Variants in ADAMTS17 observed in about 807,000 individuals in gnomAD.
ADAMTS17 encodes ADAM metallopeptidase with thrombospondin type 1 motif 17.
Under a neutral mutation model 141.5 loss-of-function variants are expected in ADAMTS17, and 113 were observed. The observed-to-expected ratio is 0.80, with a 90% CI of 0.69 to 0.93. The LOEUF (loss-of-function observed/expected upper bound fraction) is 0.93, where lower values mean the gene tolerates loss of function less well. Ranked by LOEUF, ADAMTS17 falls within the 40% of genes least tolerant of loss-of-function variation. The pLI is 0.00. For synonymous variants in ADAMTS17, 768 were observed against 630.6 expected (o/e 1.22, Z -3.27); for missense variants, 1,659 against 1,517.9 (o/e 1.09, Z -1.54).
At chr15:100,279,126 C>T (rs371582237) in intron 4 of ADAMTS17, among the ~76,000 whole-genome samples, 7 of 152,148 alleles carry the variant, frequency 4.6e-5, no homozygotes, top group South Asian at 4.1e-4. Context: ...CCGCCCAATC[C>T]GCCTCTAAAA....
At chr15:100,289,865 C>T (rs1328880535) in intron 3 of ADAMTS17, among the ~76,000 whole-genome samples, 4 of 152,058 alleles carry the variant, frequency 2.6e-5, no homozygotes, top group Admixed American at 6.6e-5. Flanking sequence ...AGGAGCATAC[C>T]TCAAAATAGT....
intron 7 of ADAMTS17, 98 bp from the exon 8 acceptor site, chr15:100,199,521 G>T: frequency 1.0e-6 from 1 of 982,102 alleles, no homozygotes. Flanking sequence ...AATCAAGGCA[G>T]GCACACGGCA....
intron 3 of ADAMTS17, among the ~76,000 whole-genome samples, chr15:100,309,942 G>A (rs1044349528): frequency 1.3e-5 from 2 of 152,210 alleles, no homozygotes; most frequent in African/African-American, 4.8e-5. Context: ...AAGGCGTCAG[G>A]GATAGGAAAC....
At position 100,006,359 on chromosome 15, in the gene ADAMTS17, C is replaced by G. The variant is rs574590429; in HGVS notation, c.2592-8770G>C. ...TCCCAATTCTGAAAAAACTCAGCTC[C>G]TATTTAAAATTCAATTTCTATTTAC... On this transcript the variant is annotated intron_variant, in intron 18 of 21. Transcript: ENST00000268070. Among the ~76,000 whole-genome samples, 12 of 152,312 alleles carry G rather than the reference C, an allele frequency of 7.9e-5. No individual in the cohort carries two copies. The South Asian group carries it at 2.3e-3, about 29-fold the overall frequency.
At chr15:100,209,604 A>T (rs79148461) in intron 7 of ADAMTS17, among the ~76,000 whole-genome samples, 2 of 61,968 alleles carry the variant, frequency 3.2e-5, no homozygotes, top group African/African-American at 1.2e-4. Flanking sequence ...CATTTTATTA[A>T]AAAAAAAAAA....
Position 100,152,666 on chromosome 15 carries a change from G to C in ADAMTS17, c.1419C>G (p.Asn473Lys), listed in dbSNP as rs757625048. The change falls in exon 10 of 22, where the codon AAC becomes AAG. Residue 473 changes from asparagine to lysine, a missense_variant. Coordinates refer to ENST00000268070, the MANE Select transcript of ADAMTS17 (RefSeq NM_139057.4). Reference protein sequence around the residue: ...HKLPGMHYSANEQCQILFGMN... With the variant: ...HKLPGMHYSAKEQCQILFGMN... ...TGCCAAACAGGATCTGGCACTGCTC[G>C]TTGGCACTGTAGTGCATGCCCGGCA... The C allele has an allele frequency of 6.2e-7, 1 of 1,614,164 alleles. No homozygotes were observed. Among genetic ancestry groups the C allele is most frequent in the Non-Finnish European group, 8.5e-7 (1 of 1,180,022 alleles).
chr15:100,221,638 C>A lies in ADAMTS17; in HGVS notation c.1076-22215G>T, dbSNP rs531807775. On this transcript the variant is annotated intron_variant, in intron 7 of 21. Coordinates refer to ENST00000268070, the MANE Select transcript of ADAMTS17 (RefSeq NM_139057.4). ...ACGCCAAGTCAGTCATGACCACTTGCTGAAGCCTTGGCACGTGTGCAAACT... is the reference window on the plus strand; with the variant it reads ...ACGCCAAGTCAGTCATGACCACTTGATGAAGCCTTGGCACGTGTGCAAACT... 3.3e-5 allele frequency among the ~76,000 whole-genome samples: 5 copies of A among 152,294 alleles called. No individual in the cohort carries two copies. In the East Asian group the frequency reaches 9.6e-4, roughly 29 times the overall value.
chr15:100,068,762 C>T (rs942659692), intron 15 of ADAMTS17, among the ~76,000 whole-genome samples: 2 of 152,180 alleles, frequency 1.3e-5, no homozygotes, highest in African/African-American at 4.8e-5. Flanking sequence ...ATGTCACCAT[C>T]ATCAAAGACC....
In ADAMTS17 at chr15:99,974,380, G is replaced by C. The variant is rs766170805; in HGVS notation, c.*22C>G. On this transcript the variant is annotated 3_prime_UTR_variant, in exon 22 of 22. Coordinates refer to ENST00000268070, the MANE Select transcript of ADAMTS17 (RefSeq NM_139057.4). ...GGTTTCAGACCTGAGTCTGAGCTTT[G>C]AGCGACCCTTGGGACTGCGTGTCAC... is the stretch of plus-strand genomic sequence containing the variant. 5 of 1,613,794 alleles carry C rather than the reference G, an allele frequency of 3.1e-6. No homozygotes were observed. In the African/African-American group the frequency reaches 6.7e-5, roughly 22 times the overall value.
chr15:100,090,874 G>A (rs2140992360), intron 15 of ADAMTS17, among the ~76,000 whole-genome samples: 2 of 152,020 alleles, frequency 1.3e-5, no homozygotes, highest in South Asian at 4.2e-4. Context: ...CAGGTTTGGT[G>A]GTGCATGCCA....
rs938233777 is a variant in ADAMTS17 at position 99,972,396 on chromosome 15, A to C, written c.*2006T>G. 8 of 152,192 alleles carry C rather than the reference A, an allele frequency of 5.3e-5. No individual in the cohort carries two copies. The highest frequency in any genetic ancestry group is 1.9e-4 in the African/African-American group (8 of 41,444). The allele number at this position is 152,192 out of a possible 1,614,324, so 9.4% of individuals were successfully genotyped here. Reference sequence around the variant, plus strand: ...GGCCCTTGCCAGGGTGACAGTGGGCATATCTGGAGGCCCCGGGGCCCATGC... The same window carrying C: ...GGCCCTTGCCAGGGTGACAGTGGGCCTATCTGGAGGCCCCGGGGCCCATGC... On this transcript the variant is annotated 3_prime_UTR_variant, in exon 22 of 22. Transcript: ENST00000268070.
At chr15:100,337,154 G>A (rs779385206) in intron 2 of ADAMTS17, among the ~76,000 whole-genome samples, 1 of 152,204 alleles carries the variant, frequency 6.6e-6, no homozygotes, top group Non-Finnish European at 1.5e-5. Flanking sequence ...GATTACAGGC[G>A]TAAGCCACCG....
At chr15:100,209,131 A>AGG (rs778301967) in intron 7 of ADAMTS17, among the ~76,000 whole-genome samples, 31 of 133,152 alleles carry the variant, frequency 2.3e-4, no homozygotes, top group African/African-American at 3.3e-4. Flanking sequence ...AAAAAAAAAA[A>AGG]AAGGAAGAAA....
chr15:100,193,653 C>T (rs1033250802), intron 8 of ADAMTS17, among the ~76,000 whole-genome samples: 2 of 152,176 alleles, frequency 1.3e-5, no homozygotes, highest in Non-Finnish European at 2.9e-5. Flanking sequence ...GACGCTGGGC[C>T]ACTGCATTTC....
chr15:100,253,171 C>T (rs981698418), intron 7 of ADAMTS17, among the ~76,000 whole-genome samples: 6 of 151,718 alleles, frequency 4.0e-5, no homozygotes, highest in Non-Finnish European at 5.9e-5. Context: ...TTCAGCCTCC[C>T]GATGAACAAA....
intron 18 of ADAMTS17, among the ~76,000 whole-genome samples, chr15:100,018,810 C>A (rs2061344062): frequency 6.6e-6 from 1 of 152,144 alleles, no homozygotes; most frequent in African/African-American, 2.4e-5. Context: ...AGGACGTGCC[C>A]TTTCACATCT....
At chr15:100,135,914 G>C (rs1278718313) in intron 10 of ADAMTS17, among the ~76,000 whole-genome samples, 3 of 152,212 alleles carry the variant, frequency 2.0e-5, no homozygotes, top group African/African-American at 7.2e-5. Flanking sequence ...GTAGAATGAA[G>C]AAGATGGAGA....
At chr15:100,223,723 T>C (rs1461003999) in intron 7 of ADAMTS17, among the ~76,000 whole-genome samples, 1 of 150,044 alleles carries the variant, frequency 6.7e-6, no homozygotes, top group East Asian at 1.9e-4. Context: ...ATACATATAG[T>C]GTATATATAC....
chr15:100,267,480 ATTTCT>A (rs2043756891), intron 4 of ADAMTS17, among the ~76,000 whole-genome samples: 1 of 151,854 alleles, frequency 6.6e-6, no homozygotes, highest in African/African-American at 2.4e-5. Context: ...CTTTTAATTC[ATTTCT>A]TTTTTTATTT....
Sources: allele counts gnomAD v4.1 joint callset (sites outside exome capture counted in the v4.1 genomes callset), GRCh38; gene constraint gnomAD v4.1.1; transcripts MANE v1.5; gene names NCBI Gene and HGNC (gene_info 2026-07-23, HGNC 2026-07-21).